ATP8A2: variants seen among roughly 807,000 people sequenced by gnomAD.
ATP8A2 encodes phospholipid-transporting ATPase IB.
A neutral mutation model predicts 165.6 loss-of-function variants in ATP8A2; 100 were observed. The observed-to-expected ratio is 0.60, with a 90% CI of 0.51 to 0.71. The LOEUF (loss-of-function observed/expected upper bound fraction) is 0.71. Among genes scored for constraint, ATP8A2 ranks in the 30% least tolerant of loss-of-function variants. ATP8A2 has a pLI of 0.00. For synonymous variants in ATP8A2, 543 were observed against 548.8 expected (o/e 0.99, Z 0.15); for missense variants, 1,227 against 1,479.5 (o/e 0.83, Z 2.80).
At chr13:25,819,069 T>C (rs1951097694) in intron 27 of ATP8A2, among the ~76,000 whole-genome samples, 1 of 152,140 alleles carries the variant, frequency 6.6e-6, no homozygotes, top group South Asian at 2.1e-4. Flanking sequence ...CAGGAATCAA[T>C]AGAAACAGTT....
chr13:25,559,611 G>C (rs2039082098), intron 14 of ATP8A2, 110 bp from the exon 15 acceptor site: 1 of 824,664 alleles, frequency 1.2e-6, no homozygotes, highest in South Asian at 1.5e-5. Context: ...AGAAGTCCCT[G>C]AGAATCTGTA....
At chr13:25,798,807 T>C (rs1017097034) in intron 27 of ATP8A2, among the ~76,000 whole-genome samples, 1 of 152,122 alleles carries the variant, frequency 6.6e-6, no homozygotes, top group Non-Finnish European at 1.5e-5. Context: ...AGTTAAATGA[T>C]GCAGGGGAGG....
At chr13:25,489,247 C>T (rs761432440) in intron 2 of ATP8A2, among the ~76,000 whole-genome samples, 2 of 152,092 alleles carry the variant, frequency 1.3e-5, no homozygotes, top group African/African-American at 2.4e-5. Context: ...CCCGGCTTAC[C>T]GCACCATCTC....
intron 1 of ATP8A2, among the ~76,000 whole-genome samples, chr13:25,383,724 A>G (rs1442606116): frequency 1.3e-5 from 2 of 152,200 alleles, no homozygotes; most frequent in Non-Finnish European, 2.9e-5. Flanking sequence ...TATAGTATTT[A>G]CTTACTTTGT....
chr13:25,393,034 T>A (rs1269923606), intron 1 of ATP8A2, among the ~76,000 whole-genome samples: 2 of 152,188 alleles, frequency 1.3e-5, no homozygotes, highest in African/African-American at 4.8e-5. Context: ...TGATAAAGAT[T>A]GATAAGCTTT....
chr13:25,965,842 A>T (rs576734419), intron 34 of ATP8A2, among the ~76,000 whole-genome samples: 9 of 152,324 alleles, frequency 5.9e-5, no homozygotes, highest in Non-Finnish European at 1.0e-4. Flanking sequence ...ATAGGCAGTT[A>T]AATGGAAAGA....
At chr13:25,465,149 A>C (rs1214459618) in intron 1 of ATP8A2, among the ~76,000 whole-genome samples, 1 of 152,172 alleles carries the variant, frequency 6.6e-6, no homozygotes, top group Admixed American at 6.5e-5. Context: ...AAATGCATTA[A>C]CTCAGAATTA....
intron 24 of ATP8A2, among the ~76,000 whole-genome samples, chr13:25,652,927 T>C (rs191801059): frequency 3.3e-5 from 5 of 152,356 alleles, no homozygotes; most frequent in Admixed American, 1.3e-4. Context: ...TTTAGATTTC[T>C]GCTGAATCAT....
At chr13:25,470,643 A>C (rs1385028514) in intron 2 of ATP8A2, among the ~76,000 whole-genome samples, 1 of 152,226 alleles carries the variant, frequency 6.6e-6, no homozygotes, top group Non-Finnish European at 1.5e-5. Flanking sequence ...CTACGTCCAC[A>C]CAAAAACTCA....
intron 36 of ATP8A2, among the ~76,000 whole-genome samples, chr13:26,016,391 G>T (rs1279171439): frequency 6.6e-6 from 1 of 152,164 alleles, no homozygotes; most frequent in African/African-American, 2.4e-5. Flanking sequence ...TCCCAGAGGG[G>T]CCAAATCATC....
intron 15 of ATP8A2, among the ~76,000 whole-genome samples, chr13:25,560,250 G>A (rs2039102578): frequency 6.6e-6 from 1 of 151,916 alleles, no homozygotes; most frequent in Non-Finnish European, 1.5e-5. Context: ...AAAAGTCCAG[G>A]GATACTATAG....
chr13:25,709,478 G>A (rs2043117334), intron 25 of ATP8A2, among the ~76,000 whole-genome samples: 1 of 152,016 alleles, frequency 6.6e-6, no homozygotes, highest in African/African-American at 2.4e-5. Context: ...TGAACCTTAA[G>A]TTCTTAATTT....
chr13:25,912,958 C>T (rs377456934), intron 33 of ATP8A2, among the ~76,000 whole-genome samples: 2 of 152,192 alleles, frequency 1.3e-5, no homozygotes, highest in Admixed American at 1.3e-4. Context: ...GATAGCCCTG[C>T]GTCTCCCTCC....
At position 25,401,807 on chromosome 13, in the gene ATP8A2, A is replaced by G. The variant is rs2033645779; in HGVS notation, c.76+29519A>G. ...CAGTAAGAGATTAATAACAACAATA[A>G]TAAAATAGAACAATGATAATAATAT... is the stretch of plus-strand genomic sequence containing the variant. On this transcript the variant is annotated intron_variant, in intron 1 of 36. Transcript: ENST00000381655. 2.0e-5 allele frequency among the ~76,000 whole-genome samples: 3 copies of G among 152,334 alleles called. No individual in the cohort carries two copies. In the South Asian group the frequency reaches 6.2e-4, roughly 32 times the overall value.
At chr13:25,593,452 C>T (rs1340530154) in intron 24 of ATP8A2, among the ~76,000 whole-genome samples, 1 of 152,112 alleles carries the variant, frequency 6.6e-6, no homozygotes, top group Non-Finnish European at 1.5e-5. Context: ...CTTCTAAGCT[C>T]CATAATATAG....
chr13:25,815,600 G>GT (rs1950994906), intron 27 of ATP8A2, among the ~76,000 whole-genome samples: 1 of 152,116 alleles, frequency 6.6e-6, no homozygotes, highest in Admixed American at 6.5e-5. Flanking sequence ...AAGTAAAATG[G>GT]TTTAGCCACT....
At chr13:25,431,273 C>G (rs147612975) in intron 1 of ATP8A2, among the ~76,000 whole-genome samples, 172 of 152,174 alleles carry the variant, frequency 1.1e-3, no homozygotes, top group African/African-American at 4.0e-3. Flanking sequence ...CCCAGCCTCC[C>G]GAGTAGCTGG....
intron 10 of ATP8A2, among the ~76,000 whole-genome samples, chr13:25,549,994 CCCT>C (rs2038770143): frequency 6.6e-6 from 1 of 152,092 alleles, no homozygotes; most frequent in Non-Finnish European, 1.5e-5. Flanking sequence ...TCCGCAAAGT[CCCT>C]TTTGCTGTAT....
At chr13:25,462,160 C>T (rs2035521528) in intron 1 of ATP8A2, among the ~76,000 whole-genome samples, 2 of 152,208 alleles carry the variant, frequency 1.3e-5, no homozygotes, top group Admixed American at 1.3e-4. Flanking sequence ...TAAGGTTTCC[C>T]TTTTGGCTCT....
Sources: allele counts gnomAD v4.1 joint callset (sites outside exome capture counted in the v4.1 genomes callset), GRCh38; gene constraint gnomAD v4.1.1; transcripts MANE v1.5; gene names NCBI Gene and HGNC (gene_info 2026-07-23, HGNC 2026-07-21).